The following SLC12A6 variants were observed in gnomAD, a reference collection of about 807,000 sequenced individuals.
The protein encoded by SLC12A6 is K-Cl cotransporter 3.
In SLC12A6, 66 loss-of-function variants were observed where a neutral mutation model predicts 135.3. The ratio of observed to expected loss-of-function variants is 0.49; its 90% CI spans 0.40 to 0.60. The LOEUF is 0.60. Ranked by LOEUF, SLC12A6 falls within the 20% of genes least tolerant of loss-of-function variation. The pLI, the probability that SLC12A6 is intolerant of heterozygous loss-of-function variation, is 0.00. For synonymous variants in SLC12A6, 513 were observed against 508.8 expected (o/e 1.01, Z -0.11); for missense variants, 1,058 against 1,452.3 (o/e 0.73, Z 4.41).
rs1340605989 is a variant in SLC12A6 at position 34,255,142 on chromosome 15, G to A, written c.876+120C>T. The A allele has an allele frequency of 6.1e-5, 52 of 855,486 alleles. 2 individuals are homozygous for A. Among genetic ancestry groups the A allele is most frequent in the Admixed American group, 1.6e-4 (9 of 57,784 alleles). The allele number at this position is 855,486 out of a possible 1,614,324, so 53.0% of individuals were successfully genotyped here. ...ATATTCATGTAAGAGGCCAACTGAC[G>A]TTGGCAGTCAATCACCTGATTTATT... is the stretch of plus-strand genomic sequence containing the variant. On this transcript the variant is annotated intron_variant, in intron 8 of 25. Coordinates refer to ENST00000354181, the MANE Select transcript of SLC12A6 (RefSeq NM_001365088.1).
In SLC12A6 at chr15:34,255,299, G is replaced by C; in HGVS notation, c.839C>G (p.Ala280Gly). 1 of 1,610,126 alleles carries C rather than the reference G, an allele frequency of 6.2e-7. No individual in the cohort carries two copies. Residue 280 changes from alanine (A) to glycine (G), a missense_variant, in exon 8 of 26, where the codon GCA becomes GGA. Physicochemically the swap from Ala to Gly is moderately conservative, Grantham distance 60. Around this residue, in one of 6 missense-constraint regions of SLC12A6, gnomAD observed 139 missense variants for 202.2 expected, o/e 0.69. Coordinates refer to ENST00000354181, the MANE Select transcript of SLC12A6 (RefSeq NM_001365088.1). Reference protein sequence around the residue: ...LCFYLGTTFAAAMYILGAIEI... With the variant: ...LCFYLGTTFAGAMYILGAIEI... ...AATGGCACCAAGGATGTACATGGCT[G>C]CTGCAAATGTGGTACCAAGATAAAA...
At chr15:34,252,089 G>A in intron 10 of SLC12A6, 81 bp downstream of exon 10, 2 of 736,228 alleles carry the variant, frequency 2.7e-6, no homozygotes, top group South Asian at 2.9e-5. Context: ...AATCTTTATG[G>A]ACAGTAGAGG....
chr15:34,246,711 A>G (rs1216690518), intron 13 of SLC12A6, among the ~76,000 whole-genome samples: 1 of 151,746 alleles, frequency 6.6e-6, no homozygotes, highest in African/African-American at 2.4e-5. Context: ...CAGTGACGCT[A>G]TCTCAGCTCA....
In SLC12A6 at chr15:34,231,779, CAG is replaced by C. The variant is rs931081060; in HGVS notation, c.*2100_*2101del. The stretch of plus-strand genomic sequence containing the variant: ...TAATTTTTTTGTATTTTTGTAGAGA[CAG>C]GGTTTCACCGTGTTAGCCAGGATGG... On this transcript the variant is annotated 3_prime_UTR_variant, in exon 26 of 26. Transcript: ENST00000354181. The C allele has an allele frequency of 6.6e-6, 1 of 151,964 alleles. No individual in the cohort carries two copies. Among genetic ancestry groups the C allele is most frequent in the African/African-American group, 2.4e-5 (1 of 41,384 alleles). The allele number at this position is 151,964 out of a possible 1,614,324, so 9.4% of individuals were successfully genotyped here.
At chr15:34,280,807 A>C (rs549389992) in intron 2 of SLC12A6, among the ~76,000 whole-genome samples, 16 of 152,336 alleles carry the variant, frequency 1.1e-4, no homozygotes, top group Admixed American at 9.1e-4. Flanking sequence ...TGAATGGATA[A>C]AGAAAGTGTG....
intron 2 of SLC12A6, among the ~76,000 whole-genome samples, chr15:34,310,980 C>T (rs1888214353): frequency 6.6e-6 from 1 of 152,146 alleles, no homozygotes; most frequent in African/African-American, 2.4e-5. Flanking sequence ...AATAGTCTAA[C>T]ATCCTGTGGA....
chr15:34,256,768 A>T (rs1221112122), intron 6 of SLC12A6, among the ~76,000 whole-genome samples: 4 of 152,194 alleles, frequency 2.6e-5, no homozygotes, highest in Non-Finnish European at 5.9e-5. Context: ...GAGTAGCTGG[A>T]GGCCGAGTGA....
chr15:34,287,064 A>G (rs929756220), intron 2 of SLC12A6, among the ~76,000 whole-genome samples: 3 of 152,028 alleles, frequency 2.0e-5, no homozygotes, highest in African/African-American at 7.2e-5. Flanking sequence ...ATACAGGTAT[A>G]CACGTGCCAT....
In SLC12A6 at chr15:34,236,018, C is replaced by A. The variant is rs767931115; in HGVS notation, c.3224G>T (p.Arg1075Leu). The A allele has an allele frequency of 6.2e-7, 1 of 1,612,638 alleles. No individual in the cohort carries two copies. Among genetic ancestry groups the A allele is most frequent in the Non-Finnish European group, 8.5e-7 (1 of 1,178,694 alleles). The change falls in exon 24 of 26, where the codon CGT becomes CTT. Residue 1075 changes from arginine (R) to leucine (L), a missense_variant. Arg to Leu is a moderately radical substitution (Grantham distance 102). Coordinates refer to ENST00000354181, the MANE Select transcript of SLC12A6 (RefSeq NM_001365088.1). Reference sequence around the variant, plus strand: ...ACTTGGGAGTGGGAAAACTTACGGACGCATGTTAAGCAGGTCCTGGAATCC... The same window carrying A: ...ACTTGGGAGTGGGAAAACTTACGGAAGCATGTTAAGCAGGTCCTGGAATCC... ...MEGFQDLLNMRPDQSNVRRMH... is the reference protein window; with the variant it reads ...MEGFQDLLNMLPDQSNVRRMH...
At chr15:34,237,104 A>G (rs369673886) in intron 22 of SLC12A6, 1 of 474,798 alleles carries the variant, frequency 2.1e-6, no homozygotes, top group South Asian at 2.1e-5. Flanking sequence ...GTTTTTTTTA[A>G]AAGCCATGTG....
intron 23 of SLC12A6, 34 bp downstream of exon 23, chr15:34,236,674 G>C (rs1355159032): frequency 1.7e-6 from 2 of 1,198,970 alleles, no homozygotes; most frequent in Non-Finnish European, 2.5e-6. Flanking sequence ...AGACTTTAGA[G>C]AGCACGGATT....
chr15:34,292,040 G>C (rs984340862), intron 2 of SLC12A6, among the ~76,000 whole-genome samples: 2 of 152,182 alleles, frequency 1.3e-5, no homozygotes, highest in Admixed American at 6.5e-5. Flanking sequence ...GTGAGGAGTT[G>C]TGTTTCTTTG....
At chr15:34,308,642 A>ACAAAAAC (rs1887917624) in intron 2 of SLC12A6, among the ~76,000 whole-genome samples, 4 of 151,286 alleles carry the variant, frequency 2.6e-5, no homozygotes, top group African/African-American at 9.7e-5. Flanking sequence ...AAAAAAAAAA[A>ACAAAAAC]AAAAAAAAAA....
intron 3 of SLC12A6, among the ~76,000 whole-genome samples, chr15:34,267,253 T>C (rs1425639824): frequency 6.7e-6 from 1 of 150,180 alleles, no homozygotes. Context: ...AAAAAAAAAC[T>C]CCATAAATAA....
In SLC12A6 at chr15:34,237,527, C is replaced by T. The variant is rs762817321; in HGVS notation, c.2826G>A (p.Arg942=). 1 of 1,612,720 alleles carries T rather than the reference C, an allele frequency of 6.2e-7. No individual in the cohort carries two copies. Among genetic ancestry groups the T allele is most frequent in the Non-Finnish European group, 8.5e-7 (1 of 1,178,998 alleles). Residue 942 remains arginine, a synonymous_variant, in exon 22 of 26, where the codon CGG becomes CGA. Transcript: ENST00000354181. ...CTTCTAATTGGGCTACTGTGAAGAT[C>T]CGTATGCTGCACTTTCGCCACACCT... ...QHKVWRKCSI[R]IFTVAQLEDN...
At chr15:34,305,852 G>A (rs1164972094) in intron 2 of SLC12A6, among the ~76,000 whole-genome samples, 2 of 151,340 alleles carry the variant, frequency 1.3e-5, no homozygotes, top group African/African-American at 4.9e-5. Flanking sequence ...CTGCCTCCTG[G>A]GTTCAAGTGA....
rs1471218842 is a variant in SLC12A6 at position 34,238,303 on chromosome 15, T to C, written c.2731A>G (p.Ile911Val). 6.2e-7 allele frequency: 1 copy of C among 1,613,796 alleles called. No homozygotes were observed. Among genetic ancestry groups the C allele is most frequent in the African/African-American group, 1.3e-5 (1 of 75,038 alleles). ...SNVEQFSEGN[I>V]DVWWIVHDGG... ...TCATGCACAATCCACCACACATCAA[T>C]GTTGCCCTCAGAAAATTGCTCCACA... Residue 911 changes from isoleucine (I) to valine (V), a missense_variant, in exon 21 of 26, where the codon ATT (isoleucine) becomes GTT (valine). Ile to Val is a conservative substitution (Grantham distance 29, BLOSUM62 3). Around this residue, in one of 6 missense-constraint regions of SLC12A6, gnomAD observed 245 missense variants for 440.8 expected, o/e 0.56. Coordinates refer to ENST00000354181, the MANE Select transcript of SLC12A6 (RefSeq NM_001365088.1).
chr15:34,257,581 G>C, intron 6 of SLC12A6, 61 bp downstream of exon 6: 1 of 1,273,148 alleles, frequency 7.9e-7, no homozygotes, highest in Non-Finnish European at 1.2e-6. Flanking sequence ...GAGGTCATGT[G>C]CATCTGCTCT....
intron 2 of SLC12A6, among the ~76,000 whole-genome samples, chr15:34,290,918 G>A (rs1283283938): frequency 6.6e-6 from 1 of 152,110 alleles, no homozygotes; most frequent in African/African-American, 2.4e-5. Context: ...ACACCGATAG[G>A]TCTTGACTCT....
Sources: gnomAD v4.1 joint callset for allele counts (sites outside exome capture counted in the v4.1 genomes callset) on GRCh38, gnomAD v4.1.1 for gene constraint, gnomAD v4.1.1 regional missense constraint, MANE v1.5 for transcripts, NCBI Gene and HGNC (gene_info 2026-07-23, HGNC 2026-07-21) for gene names.